Variants in FANCC observed in about 807,000 individuals in gnomAD.
FANCC encodes FA complementation group C.
FANCC carries 55 observed loss-of-function variants against 71.3 expected under a neutral mutation model. The ratio of observed to expected loss-of-function variants is 0.77; its 90% CI spans 0.62 to 0.97. The LOEUF (loss-of-function observed/expected upper bound fraction) is 0.97, where lower values mean the gene tolerates loss of function less well. Ranked by LOEUF, FANCC falls within the 50% of genes least tolerant of loss-of-function variation. The pLI is 0.00. For synonymous variants in FANCC, 275 were observed against 244.9 expected, an observed-to-expected ratio of 1.12 and a Z score of -1.15; for missense variants, 678 against 670.9, an observed-to-expected ratio of 1.01 and a Z score of -0.12.
intron 1 of FANCC, among the ~76,000 whole-genome samples, chr9:95,275,544 C>T (rs1186408441): frequency 6.6e-6 from 1 of 151,610 alleles, no homozygotes; most frequent in African/African-American, 2.4e-5. Context: ...ACAAATGTAC[C>T]ACTCTGGTGG....
chr9:95,121,367 A>G (rs2072865855), intron 10 of FANCC, among the ~76,000 whole-genome samples: 1 of 152,330 alleles, frequency 6.6e-6, no homozygotes, highest in Middle Eastern at 3.4e-3. Context: ...AAGCACTGAC[A>G]TGAGTGCTTC....
At chr9:95,119,976 G>A (rs997835308) in intron 10 of FANCC, among the ~76,000 whole-genome samples, 18 of 138,318 alleles carry the variant, frequency 1.3e-4, no homozygotes, top group Admixed American at 3.8e-4. Context: ...GGCTCCCAAC[G>A]AGCTGGGATT....
chr9:95,174,878 TG>T (rs1209741279), intron 4 of FANCC, among the ~76,000 whole-genome samples: 1 of 152,084 alleles, frequency 6.6e-6, no homozygotes, highest in African/African-American at 2.4e-5. Context: ...ACACTCTGAG[TG>T]GTTACCATTA....
intron 1 of FANCC, among the ~76,000 whole-genome samples, chr9:95,315,382 G>T (rs969438268): frequency 2.0e-5 from 3 of 152,140 alleles, no homozygotes; most frequent in African/African-American, 7.2e-5. Context: ...GCATCACTAT[G>T]GCCGGCTAAT....
intron 4 of FANCC, among the ~76,000 whole-genome samples, chr9:95,205,085 A>G (rs951241406): frequency 1.3e-5 from 2 of 152,192 alleles, no homozygotes; most frequent in East Asian, 3.8e-4. Context: ...CAAAACTCCA[A>G]AAATTATGTA....
At chr9:95,312,832 T>C (rs1835490353) in intron 1 of FANCC, among the ~76,000 whole-genome samples, 1 of 152,036 alleles carries the variant, frequency 6.6e-6, no homozygotes, top group African/African-American at 2.4e-5. Flanking sequence ...CAAGAACTTT[T>C]TGGAGGGAGC....
At chr9:95,133,287 A>G (rs1431041887) in intron 8 of FANCC, among the ~76,000 whole-genome samples, 1 of 152,232 alleles carries the variant, frequency 6.6e-6, no homozygotes. Flanking sequence ...TCTGTATTGT[A>G]ATTACGTCCT....
chr9:95,169,244 T>C (rs969621570), intron 6 of FANCC, among the ~76,000 whole-genome samples: 7 of 152,184 alleles, frequency 4.6e-5, no homozygotes, highest in Admixed American at 2.6e-4. Context: ...TTTCTGTTAG[T>C]TTTGTCGTTG....
intron 4 of FANCC, among the ~76,000 whole-genome samples, chr9:95,188,297 G>A (rs112084226): frequency 0.033 from 5,067 of 152,128 alleles, 290 homozygotes; most frequent in African/African-American, 0.12. Context: ...CAGGTGTCAC[G>A]CCACTACTGC....
chr9:95,182,855 A>T (rs1324712265), intron 4 of FANCC, among the ~76,000 whole-genome samples: 1 of 152,160 alleles, frequency 6.6e-6, no homozygotes, highest in African/African-American at 2.4e-5. Flanking sequence ...AGGGGAAGAC[A>T]GAAAGAATGC....
At chr9:95,217,491 A>C (rs1049571143) in intron 4 of FANCC, among the ~76,000 whole-genome samples, 2 of 152,084 alleles carry the variant, frequency 1.3e-5, no homozygotes, top group African/African-American at 4.8e-5. Context: ...CAAAAAAAAA[A>C]CAAACAAAAA....
chr9:95,118,571 A>G (rs1029030851), intron 10 of FANCC, among the ~76,000 whole-genome samples: 4 of 152,208 alleles, frequency 2.6e-5, no homozygotes, highest in Non-Finnish European at 5.9e-5. Flanking sequence ...CTTAACAATC[A>G]TTCCCTCCAC....
rs773388565 is a variant in FANCC at position 95,247,493 on chromosome 9, T to C, written c.189A>G (p.Arg63=). The C allele has an allele frequency of 6.2e-7, 1 of 1,613,628 alleles. No individual in the cohort carries two copies. The highest frequency in any genetic ancestry group is 2.2e-5 in the East Asian group (1 of 44,828). Residue 63 remains arginine (R), a synonymous_variant, in exon 3 of 15, where the codon AGA becomes AGG. Transcript: ENST00000289081. ...KEMDSNTVIE[R]FPTIGQLLAK... ...CCAACAGTTGACCAATTGTGGGGAA[T>C]CTTTCAATGACTGTATTAGAATCCT...
chr9:95,208,382 C>T (rs1314706529), intron 4 of FANCC, among the ~76,000 whole-genome samples: 1 of 152,044 alleles, frequency 6.6e-6, no homozygotes, highest in Non-Finnish European at 1.5e-5. Context: ...CAGGCATGAG[C>T]CACTGCGCCC....
chr9:95,293,096 C>G, intron 1 of FANCC: 1 of 1,612,580 alleles, frequency 6.2e-7, no homozygotes, highest in Non-Finnish European at 8.5e-7. Context: ...ATCCCTAGAC[C>G]AGACACCCAA....
At chr9:95,246,170 T>C (rs997777298) in intron 3 of FANCC, among the ~76,000 whole-genome samples, 9 of 152,184 alleles carry the variant, frequency 5.9e-5, no homozygotes, top group Admixed American at 5.2e-4. Flanking sequence ...GGCAAACACA[T>C]TGCTGCCTCA....
At chr9:95,160,184 C>G (rs1388402848) in intron 6 of FANCC, among the ~76,000 whole-genome samples, 1 of 151,790 alleles carries the variant, frequency 6.6e-6, no homozygotes, top group African/African-American at 2.4e-5. Flanking sequence ...GTCTTTAATC[C>G]ATCTTGAATT....
At chr9:95,132,372 C>G (rs1418549330) in intron 8 of FANCC, among the ~76,000 whole-genome samples, 6 of 152,244 alleles carry the variant, frequency 3.9e-5, no homozygotes, top group Non-Finnish European at 5.9e-5. Context: ...GGAAACCGAA[C>G]AATGCCAAGA....
intron 4 of FANCC, among the ~76,000 whole-genome samples, chr9:95,183,986 T>C (rs1826550769): frequency 6.6e-6 from 1 of 152,230 alleles, no homozygotes; most frequent in Admixed American, 6.5e-5. Context: ...GTGTTTAACC[T>C]TCTCTTTCCT....
Sources: allele counts gnomAD v4.1 joint callset (sites outside exome capture counted in the v4.1 genomes callset), GRCh38; gene constraint gnomAD v4.1.1; transcripts MANE v1.5; gene names NCBI Gene and HGNC (gene_info 2026-07-23, HGNC 2026-07-21).